SUMF1: variants seen among roughly 807,000 people sequenced by gnomAD.
SUMF1 encodes the protein formylglycine-generating enzyme.
A neutral mutation model predicts 47.6 loss-of-function variants in SUMF1; 48 were observed. The ratio of observed to expected loss-of-function variants is 1.01; its 90% CI spans 0.80 to 1.28. The LOEUF (loss-of-function observed/expected upper bound fraction) is 1.28, where lower values mean the gene tolerates loss of function less well. SUMF1 is among the 50% of genes most tolerant of loss of function. The pLI, the probability that SUMF1 is intolerant of heterozygous loss-of-function variation, is 0.00. For missense variants in SUMF1, 571 were observed against 485.4 expected (o/e 1.18, Z -1.66); for synonymous variants, 230 against 192.1 (o/e 1.20, Z -1.63).
intron 8 of SUMF1, among the ~76,000 whole-genome samples, chr3:4,299,747 T>C (rs930163079): frequency 6.6e-6 from 1 of 152,008 alleles, no homozygotes; most frequent in Non-Finnish European, 1.5e-5. Context: ...GAGGTGGAGG[T>C]TGCAGTGAGC....
chr3:4,232,875 G>T (rs1211945483), intron 8 of SUMF1, among the ~76,000 whole-genome samples: 1 of 152,110 alleles, frequency 6.6e-6, no homozygotes, highest in Non-Finnish European at 1.5e-5. Context: ...GCACCAGGTT[G>T]CCAGACAAAT....
intron 8 of SUMF1, among the ~76,000 whole-genome samples, chr3:4,155,154 C>A (rs1025637859): frequency 2.0e-5 from 3 of 151,462 alleles, no homozygotes; most frequent in African/African-American, 7.4e-5. Flanking sequence ...ATGAGGCATG[C>A]TTTTGTGATG....
At chr3:4,034,486 C>T (rs1048797727) in intron 9 of SUMF1, among the ~76,000 whole-genome samples, 2 of 152,170 alleles carry the variant, frequency 1.3e-5, no homozygotes, top group Admixed American at 6.5e-5. Context: ...CAGGCAACCA[C>T]TGCCTCAAAA....
intron 8 of SUMF1, among the ~76,000 whole-genome samples, chr3:4,161,003 T>C (rs1160488464): frequency 6.6e-6 from 1 of 152,136 alleles, no homozygotes; most frequent in Non-Finnish European, 1.5e-5. Flanking sequence ...AATTGGGTAT[T>C]GTGATCTAAA....
At position 4,311,044 on chromosome 3, in the gene SUMF1, C is replaced by A. The variant is rs141364098; in HGVS notation, c.1014+65286G>T. ...CTATCCTTTATCCATTTAGGATATT[C>A]CTGCTAAGCTAAAGCTGTAAGAAAC... is the stretch of plus-strand genomic sequence containing the variant. On this transcript the variant is annotated intron_variant and NMD_transcript_variant, in intron 8 of 12. Coordinates refer to the SUMF1 transcript ENST00000448413. 6.0e-4 allele frequency among the ~76,000 whole-genome samples: 91 copies of A among 152,274 alleles called. 1 individual carries two copies. The highest frequency in any genetic ancestry group is 2.0e-3 in the African/African-American group (85 of 41,558).
intron 8 of SUMF1, among the ~76,000 whole-genome samples, chr3:4,273,636 G>A (rs58805848): frequency 0.032 from 4,797 of 148,200 alleles, 258 homozygotes; most frequent in African/African-American, 0.11. Flanking sequence ...TACTTAAAAT[G>A]AGTAAATTTT....
At chr3:4,040,601 G>A (rs938273888) in intron 9 of SUMF1, among the ~76,000 whole-genome samples, 1 of 152,168 alleles carries the variant, frequency 6.6e-6, no homozygotes, top group Non-Finnish European at 1.5e-5. Flanking sequence ...AAGTTTAACA[G>A]ACATATAAAT....
At chr3:4,218,503 A>G (rs919776493) in intron 8 of SUMF1, among the ~76,000 whole-genome samples, 2 of 152,092 alleles carry the variant, frequency 1.3e-5, no homozygotes, top group African/African-American at 4.8e-5. Flanking sequence ...TGTGAAGCCA[A>G]AACAACACAG....
At chr3:4,222,791 G>T (rs36035342) in intron 8 of SUMF1, among the ~76,000 whole-genome samples, 1 of 151,868 alleles carries the variant, frequency 6.6e-6, no homozygotes, top group Non-Finnish European at 1.5e-5. Context: ...AGTCATTGCC[G>T]CTGGGTGAGG....
chr3:4,137,663 C>T (rs938062379), intron 8 of SUMF1, among the ~76,000 whole-genome samples: 2 of 151,958 alleles, frequency 1.3e-5, no homozygotes, highest in Admixed American at 6.6e-5. Flanking sequence ...AAAATTTCCT[C>T]AACCTGATAA....
At chr3:4,324,493 G>C (rs1317240539) in intron 8 of SUMF1, among the ~76,000 whole-genome samples, 1 of 152,088 alleles carries the variant, frequency 6.6e-6, no homozygotes, top group African/African-American at 2.4e-5. Flanking sequence ...GCAGGAGAGG[G>C]GACAAAAAGA....
intron 8 of SUMF1, among the ~76,000 whole-genome samples, chr3:4,263,376 G>A (rs1455995202): frequency 2.0e-5 from 3 of 152,124 alleles, no homozygotes; most frequent in Admixed American, 2.0e-4. Context: ...GGTGTGTGAT[G>A]TTTTCAAAAA....
At chr3:4,355,458 G>T (rs148515505) in intron 8 of SUMF1, among the ~76,000 whole-genome samples, 5 of 152,318 alleles carry the variant, frequency 3.3e-5, no homozygotes, top group South Asian at 2.1e-4. Context: ...CAAAGGTGTA[G>T]AGCAGAGAAA....
At chr3:4,415,693 G>T (rs1284993171) in intron 6 of SUMF1, among the ~76,000 whole-genome samples, 1 of 152,076 alleles carries the variant, frequency 6.6e-6, no homozygotes, top group Non-Finnish European at 1.5e-5. Flanking sequence ...TGCACCTGTA[G>T]TCCCAGCTAC....
At chr3:4,199,115 A>G (rs1422647826) in intron 8 of SUMF1, among the ~76,000 whole-genome samples, 2 of 152,144 alleles carry the variant, frequency 1.3e-5, no homozygotes, top group African/African-American at 4.8e-5. Flanking sequence ...AGAACTTTCT[A>G]TCACTCAAAA....
At chr3:4,132,064 G>A (rs1003195190) in intron 8 of SUMF1, among the ~76,000 whole-genome samples, 14 of 152,158 alleles carry the variant, frequency 9.2e-5, no homozygotes, top group Non-Finnish European at 1.8e-4. Flanking sequence ...GCTACCTGGT[G>A]GCAGGTTGGT....
chr3:4,158,837 C>CT (rs1208976871), intron 8 of SUMF1, among the ~76,000 whole-genome samples: 5 of 151,382 alleles, frequency 3.3e-5, no homozygotes, highest in African/African-American at 1.2e-4. Context: ...ACAGAGTATC[C>CT]TTTTCCATCC....
chr3:4,302,041 G>A (rs988617873), intron 8 of SUMF1, among the ~76,000 whole-genome samples: 1 of 152,200 alleles, frequency 6.6e-6, no homozygotes, highest in Non-Finnish European at 1.5e-5. Flanking sequence ...GGAAAGGTCT[G>A]CAAGATGGAA....
chr3:4,075,002 G>A (rs1692386861), intron 8 of SUMF1, among the ~76,000 whole-genome samples: 2 of 152,094 alleles, frequency 1.3e-5, no homozygotes, highest in Admixed American at 6.6e-5. Flanking sequence ...TATGAGGCCA[G>A]CATCATCCTG....
Sources: gnomAD v4.1 joint callset for allele counts (sites outside exome capture counted in the v4.1 genomes callset) on GRCh38, gnomAD v4.1.1 for gene constraint, MANE v1.5 for transcripts, NCBI Gene and HGNC (gene_info 2026-07-23, HGNC 2026-07-21) for gene names.